ESF1: variants seen among roughly 807,000 people sequenced by gnomAD.
The protein encoded by ESF1 is ESF1 nucleolar pre-rRNA processing protein, also known as ESF1 homolog.
In ESF1, 58 loss-of-function variants were observed where a neutral mutation model predicts 92.0. The observed-to-expected ratio is 0.63, with a 90% CI of 0.51 to 0.78. The LOEUF (loss-of-function observed/expected upper bound fraction) is 0.78. Ranked by LOEUF, ESF1 falls within the 30% of genes least tolerant of loss-of-function variation. The pLI is 0.00. For synonymous variants in ESF1, 321 were observed against 313.7 expected, an observed-to-expected ratio of 1.02 and a Z score of -0.24; for missense variants, 922 against 989.1, an observed-to-expected ratio of 0.93 and a Z score of 0.91.
At chr20:13,758,102 T>C (rs1978983701) in intron 9 of ESF1, among the ~76,000 whole-genome samples, 1 of 152,166 alleles carries the variant, frequency 6.6e-6, no homozygotes, top group African/African-American at 2.4e-5. Flanking sequence ...CAGCCTTCAG[T>C]TCTTCTGCGA....
intron 9 of ESF1, among the ~76,000 whole-genome samples, chr20:13,741,023 G>A (rs142852935): frequency 1.0e-3 from 152 of 151,938 alleles, no homozygotes; most frequent in African/African-American, 3.6e-3. Flanking sequence ...TCTGCCCCCA[G>A]GAATCATCCC....
chr20:13,782,522 T>A lies in ESF1; in HGVS notation c.619A>T (p.Arg207Ter). 6.6e-7 allele frequency: 1 copy of A among 1,520,566 alleles called. No individual in the cohort carries two copies. The highest frequency in any genetic ancestry group is 8.8e-7 in the Non-Finnish European group (1 of 1,142,742). 94.2% of individuals were successfully genotyped at this position (1,520,566 alleles called of 1,614,324 possible). Reference protein sequence around the residue: ...KSPRIECSKTRREMQSVVQLI... With the variant: ...KSPRIECSKT ...AACCTACCTGATTGCATTTCTCTTC[T>A]TGTCTTAGAACACTCGATTCTGGGA... The change falls in exon 2 of 14, where the codon AGA becomes TGA. Residue 207 changes from arginine (R) to a stop codon, truncating the protein, a stop_gained. Coordinates refer to ENST00000617257, the MANE Select transcript of ESF1 (RefSeq NM_001276380.2). LOFTEE classifies it high-confidence loss of function.
chr20:13,756,391 A>G (rs188866104), intron 9 of ESF1, among the ~76,000 whole-genome samples: 1 of 152,210 alleles, frequency 6.6e-6, no homozygotes, highest in East Asian at 1.9e-4. Context: ...TATTCAATTA[A>G]AAGTAAAAAA....
chr20:13,776,042 T>TC lies in ESF1; in HGVS notation c.865dup (p.Asp289GlyfsTer2). 1 of 1,613,910 alleles carries TC rather than the reference T, an allele frequency of 6.2e-7. No homozygotes were observed. The highest frequency in any genetic ancestry group is 8.5e-7 in the Non-Finnish European group (1 of 1,179,872). ...GTCACTTTTATCATCATCCTCACTATCCTCATCTTCATCCTCCTCTTCATC... is the reference window on the plus strand; with the variant it reads ...GTCACTTTTATCATCATCCTCACTATCCCTCATCTTCATCCTCCTCTTCATC... On this transcript the variant is annotated frameshift_variant, in exon 3 of 14. Coordinates refer to ENST00000617257, the MANE Select transcript of ESF1 (RefSeq NM_001276380.2). LOFTEE classifies it high-confidence loss of function.
intron 7 of ESF1, among the ~76,000 whole-genome samples, chr20:13,768,591 C>CCA (rs1568726182): frequency 7.0e-6 from 1 of 142,926 alleles, no homozygotes; most frequent in African/African-American, 2.6e-5. Context: ...CCAAAAAAAG[C>CCA]AAAAAAAAAG....
chr20:13,768,984 T>A (rs1444425346), intron 7 of ESF1, among the ~76,000 whole-genome samples: 1 of 152,116 alleles, frequency 6.6e-6, no homozygotes, highest in African/African-American at 2.4e-5. Context: ...ACCTTTTGGC[T>A]ATTTGTTACT....
At position 13,782,905 on chromosome 20, in the gene ESF1, GA is replaced by G; in HGVS notation, c.235del (p.Ser79ProfsTer11). 6.2e-7 allele frequency: 1 copy of G among 1,613,944 alleles called. No individual in the cohort carries two copies. The highest frequency in any genetic ancestry group is 8.5e-7 in the Non-Finnish European group (1 of 1,180,008). ...TTTGCTATCTTCACCAGAGAGATTG[GA>G]ATCAGAATCTGAAAGGTCGTAAAAA... ...KRFYDLSDSD[S>X]NLSGEDSKAL... On this transcript the variant is annotated frameshift_variant, in exon 2 of 14. Coordinates refer to ENST00000617257, the MANE Select transcript of ESF1 (RefSeq NM_001276380.2). LOFTEE classifies it high-confidence loss of function.
chr20:13,752,240 C>T (rs923175789), intron 9 of ESF1, among the ~76,000 whole-genome samples: 7 of 152,170 alleles, frequency 4.6e-5, no homozygotes, highest in Non-Finnish European at 7.3e-5. Flanking sequence ...GCCTCATAGT[C>T]AACCTGTTAA....
At chr20:13,774,291 A>AATTCCAAG (rs1341083714) in intron 4 of ESF1, among the ~76,000 whole-genome samples, 1 of 152,148 alleles carries the variant, frequency 6.6e-6, no homozygotes, top group African/African-American at 2.4e-5. Flanking sequence ...AAAATTCCAA[A>AATTCCAAG]CTTTTTGACT....
At chr20:13,729,235 C>T (rs1052131580) in intron 10 of ESF1, among the ~76,000 whole-genome samples, 14 of 152,258 alleles carry the variant, frequency 9.2e-5, no homozygotes, top group Middle Eastern at 3.4e-3. Flanking sequence ...TCCAGTCTGG[C>T]GACAGAGCGA....
chr20:13,781,760 A>G (rs1260451313), intron 2 of ESF1, among the ~76,000 whole-genome samples: 2 of 152,230 alleles, frequency 1.3e-5, no homozygotes, highest in African/African-American at 4.8e-5. Context: ...ACGACGCCTT[A>G]CTCATATTCT....
chr20:13,755,863 C>T (rs1357776730), intron 9 of ESF1, among the ~76,000 whole-genome samples: 1 of 152,092 alleles, frequency 6.6e-6, no homozygotes, highest in African/African-American at 2.4e-5. Flanking sequence ...TTTAAATAGT[C>T]TAAACTAGAA....
At chr20:13,729,119 C>T (rs573235449) in intron 10 of ESF1, among the ~76,000 whole-genome samples, 1 of 152,092 alleles carries the variant, frequency 6.6e-6, no homozygotes, top group East Asian at 1.9e-4. Context: ...GTTAGCCAGG[C>T]ATGGTGGTGG....
At chr20:13,779,180 T>C (rs1980072722) in intron 2 of ESF1, among the ~76,000 whole-genome samples, 1 of 152,132 alleles carries the variant, frequency 6.6e-6, no homozygotes, top group Admixed American at 6.5e-5. Flanking sequence ...GTAGTGACTG[T>C]AAACATTACT....
In ESF1 at chr20:13,759,784, AT is replaced by A; in HGVS notation, c.1735del (p.Ile579LeufsTer51). 6.3e-7 allele frequency: 1 copy of A among 1,591,244 alleles called. No individual in the cohort carries two copies. Among genetic ancestry groups the A allele is most frequent in the Non-Finnish European group, 8.5e-7 (1 of 1,173,812 alleles). ...KKSQKDDEEQ[I>X]AKYRQLLQVI... ...CTGCAAGAGCTGCCTGTATTTAGCAATTTGTTCTTCATCATCCTTCTGACTT... is the reference window on the plus strand; with the variant it reads ...CTGCAAGAGCTGCCTGTATTTAGCAATTGTTCTTCATCATCCTTCTGACTT... On this transcript the variant is annotated frameshift_variant, in exon 9 of 14. Transcript: ENST00000617257. LOFTEE classifies it high-confidence loss of function.
intron 9 of ESF1, among the ~76,000 whole-genome samples, chr20:13,748,031 C>A (rs1309807042): frequency 6.6e-6 from 1 of 152,162 alleles, no homozygotes; most frequent in Non-Finnish European, 1.5e-5. Flanking sequence ...AATATGACAG[C>A]ACTAGTTGAT....
Position 13,759,869 on chromosome 20 carries a change from T to A in ESF1, c.1667-16A>T, listed in dbSNP as rs1017316809. ...CCATCATCACCTAATGAAAAAAAAA[T>A]TCACTTAATACACAGAAACAATTCA... On this transcript the variant is annotated splice_polypyrimidine_tract_variant and intron_variant, in intron 8 of 13. Transcript: ENST00000617257. The A allele has an allele frequency of 3.8e-6, 6 of 1,575,116 alleles. No individual in the cohort carries two copies. The Admixed American group carries it at 5.9e-5, about 15-fold the overall frequency.
Position 13,773,866 on chromosome 20 carries a change from C to T in ESF1, c.1150-1251G>A, listed in dbSNP as rs372762920. 5.3e-5 allele frequency among the ~76,000 whole-genome samples: 8 copies of T among 152,048 alleles called. No individual in the cohort carries two copies. The East Asian group carries it at 7.7e-4, about 15-fold the overall frequency. The stretch of plus-strand genomic sequence containing the variant: ...ATCCCAGCACTTTGGGAGGCCGAGG[C>T]GGGCGGATCATGAGGTCAGGAGATC... On this transcript the variant is annotated intron_variant, in intron 4 of 13. Transcript: ENST00000617257.
At position 13,769,796 on chromosome 20, in the gene ESF1, A is replaced by G. The variant is rs1979598085; in HGVS notation, c.1518+111T>C. The G allele has an allele frequency of 6.4e-6, 5 of 785,330 alleles. No homozygotes were observed. In the South Asian group the frequency reaches 8.0e-5, roughly 13 times the overall value. 48.6% of individuals were successfully genotyped at this position (785,330 alleles called of 1,614,324 possible). A position where few individuals can be genotyped will look rare whatever the true frequency, so the allele number is the denominator to read the frequency against. The stretch of plus-strand genomic sequence containing the variant: ...GCGAGACTCTGTCTCAAGAAAAAAT[A>G]ATAACAAAAAAATTAATACTTTCCA... On this transcript the variant is annotated intron_variant, in intron 7 of 13. Transcript: ENST00000617257.
Sources: gnomAD v4.1 joint callset for allele counts (sites outside exome capture counted in the v4.1 genomes callset) on GRCh38, gnomAD v4.1.1 for gene constraint, MANE v1.5 for transcripts, NCBI Gene and HGNC (gene_info 2026-07-23, HGNC 2026-07-21) for gene names.